The following PTPRS variants were observed in gnomAD, a reference collection of about 807,000 sequenced individuals.
The protein encoded by PTPRS is protein tyrosine phosphatase receptor type S, also known as receptor-type tyrosine-protein phosphatase S.
In PTPRS, 63 loss-of-function variants were observed where a neutral mutation model predicts 215.3. That is an observed-to-expected ratio of 0.29 (90% CI 0.24 to 0.36). PTPRS has a LOEUF of 0.36. PTPRS is among the 10% of genes least tolerant of loss of function. The pLI is 1.00. For synonymous variants in PTPRS, 1,404 were observed against 1,191.4 expected (o/e 1.18, Z -3.68); for missense variants, 2,258 against 2,825.8 (o/e 0.80, Z 4.56).
intron 13 of PTPRS, among the ~76,000 whole-genome samples, chr19:5,235,300 G>A (rs984804780): frequency 6.6e-6 from 1 of 151,674 alleles, no homozygotes; most frequent in African/African-American, 2.4e-5. Context: ...GGCTTTATTG[G>A]ATAACTGTAA....
chr19:5,321,724 G>C (rs1256085109), intron 1 of PTPRS, among the ~76,000 whole-genome samples: 1 of 152,070 alleles, frequency 6.6e-6, no homozygotes, highest in Non-Finnish European at 1.5e-5. Context: ...CTGAGGCTCA[G>C]AGAAAGAACC....
chr19:5,256,272 T>C (rs1488251286), intron 8 of PTPRS, among the ~76,000 whole-genome samples, 153 bp from the exon 9 acceptor site: 2 of 150,962 alleles, frequency 1.3e-5, no homozygotes, highest in Non-Finnish European at 3.0e-5. Flanking sequence ...AAAAAAAAAT[T>C]AAAATTAAAA....
Position 5,215,312 on chromosome 19 carries a change from C to A in PTPRS, c.4295G>T (p.Arg1432Leu). 6.2e-7 allele frequency: 1 copy of A among 1,614,080 alleles called. No individual in the cohort carries two copies. The highest frequency in any genetic ancestry group is 1.1e-5 in the South Asian group (1 of 91,078). The part of the protein sequence containing the change: ...YANVIAYDHS[R>L]VILQPIEGIM... Reference sequence around the variant, plus strand: ...ACCTTCAATGGGCTGGAGGATGACACGGGAGTGGTCATAGGCGATGACGTT... The same window carrying A: ...ACCTTCAATGGGCTGGAGGATGACAAGGGAGTGGTCATAGGCGATGACGTT... Residue 1432 changes from arginine to leucine, a missense_variant, in exon 28 of 38, where the codon CGT becomes CTT. Transcript: ENST00000262963.
At chr19:5,281,364 G>C (rs2047834187) in intron 2 of PTPRS, among the ~76,000 whole-genome samples, 1 of 152,138 alleles carries the variant, frequency 6.6e-6, no homozygotes, top group African/African-American at 2.4e-5. Flanking sequence ...GGGAGGCTGA[G>C]GCAGGAGAAT....
chr19:5,256,031 GT>G, intron 9 of PTPRS, 76 bp downstream of exon 9: 1 of 1,346,160 alleles, frequency 7.4e-7, no homozygotes, highest in Non-Finnish European at 1.0e-6. Flanking sequence ...GTCTACATGT[GT>G]TTTGTGTGTG....
intron 1 of PTPRS, among the ~76,000 whole-genome samples, chr19:5,319,407 C>A (rs2049965046): frequency 6.8e-6 from 1 of 147,320 alleles, no homozygotes; most frequent in East Asian, 2.0e-4. Context: ...CAGAGCCAGA[C>A]CTTGTCTTTT....
intron 2 of PTPRS, 24 bp from the exon 3 acceptor site, chr19:5,274,368 G>C (rs775723268): frequency 2.5e-6 from 4 of 1,596,416 alleles, no homozygotes; most frequent in Non-Finnish European, 3.4e-6. Context: ...GGAAAGAAGG[G>C]GGGGCGCTGA....
At chr19:5,333,961 T>G (rs2050410161) in intron 1 of PTPRS, among the ~76,000 whole-genome samples, 2 of 136,724 alleles carry the variant, frequency 1.5e-5, no homozygotes, top group Non-Finnish European at 3.1e-5. Context: ...AACCCCCAAA[T>G]CCCCCCCAAA....
rs528684925 is a variant in PTPRS at position 5,224,416 on chromosome 19, G to A, written c.2495-1119C>T. Among the ~76,000 whole-genome samples the A allele has an allele frequency of 3.3e-5, 5 of 152,226 alleles. No homozygotes were observed. The East Asian group carries it at 7.7e-4, about 24-fold the overall frequency. On this transcript the variant is annotated intron_variant, in intron 17 of 37. Coordinates refer to ENST00000262963, the MANE Select transcript of PTPRS (RefSeq NM_002850.4). ...CAACCATCTCCTGCCTTGTTGATTT[G>A]GCCCTTGCTCAATGCAGGCACCTGA...
chr19:5,333,083 A>T (rs1359387889), intron 1 of PTPRS, among the ~76,000 whole-genome samples: 1 of 152,094 alleles, frequency 6.6e-6, no homozygotes, highest in East Asian at 1.9e-4. Context: ...CGGGAGGCGG[A>T]GATTGCAGTG....
At position 5,231,623 on chromosome 19, in the gene PTPRS, AG is replaced by A. The variant is rs1359276218; in HGVS notation, c.1850-9del. 12 of 148,494 alleles carry A rather than the reference AG, an allele frequency of 8.1e-5. No individual in the cohort carries two copies. Among genetic ancestry groups the A allele is most frequent in the Non-Finnish European group, 1.1e-4 (11 of 101,012 alleles). The allele number at this position is 148,494 out of a possible 1,614,324, so 9.2% of individuals were successfully genotyped here. Reference sequence around the variant, plus strand: ...GAGGGGGGGCTGACGGTTCTATTGGAGGGGGGGAGAACGTGGGGGGGTGGGG... The same window carrying A: ...GAGGGGGGGCTGACGGTTCTATTGGAGGGGGGAGAACGTGGGGGGGTGGGG... On this transcript the variant is annotated splice_polypyrimidine_tract_variant and intron_variant, in intron 13 of 37. Coordinates refer to ENST00000262963, the MANE Select transcript of PTPRS (RefSeq NM_002850.4).
chr19:5,230,007 C>T (rs1284699623), intron 14 of PTPRS, among the ~76,000 whole-genome samples: 2 of 152,254 alleles, frequency 1.3e-5, no homozygotes, highest in East Asian at 3.9e-4. Context: ...ATAGGGTCTC[C>T]TGTCATTCTC....
At chr19:5,238,853 G>A (rs1253773340) in intron 13 of PTPRS, 66 bp downstream of exon 13, 37 of 1,487,662 alleles carry the variant, frequency 2.5e-5, no homozygotes, top group African/African-American at 5.8e-5. Flanking sequence ...TCCGTCTGCC[G>A]AGGGGCTGTC....
At chr19:5,299,429 C>A (rs2049236519) in intron 1 of PTPRS, among the ~76,000 whole-genome samples, 1 of 152,260 alleles carries the variant, frequency 6.6e-6, no homozygotes, top group Admixed American at 6.5e-5. Context: ...TCTTCTCACC[C>A]TTCCATTCTC....
chr19:5,223,256 C>T lies in PTPRS; in HGVS notation c.2536G>A (p.Gly846Ser). 1.4e-6 allele frequency: 2 copies of T among 1,477,098 alleles called. No homozygotes were observed. The highest frequency in any genetic ancestry group is 1.8e-6 in the Non-Finnish European group (2 of 1,117,258). 91.5% of individuals were successfully genotyped at this position (1,477,098 alleles called of 1,614,324 possible). A position where few individuals can be genotyped will look rare whatever the true frequency, so the allele number is the denominator to read the frequency against. ...GGCTCCCAGCGTGCCAGCAGGCTGC[C>T]CTCGGGGGTCTGCTGCACCGACAGG... ...PTLSVQQTPE[G>S]SLLARWEPPA... The change falls in exon 18 of 38, where the codon GGC becomes AGC. Residue 846 changes from glycine to serine, a missense_variant. By Grantham distance (56) the Gly-to-Ser change is moderately conservative (BLOSUM62 0). Coordinates refer to ENST00000262963, the MANE Select transcript of PTPRS (RefSeq NM_002850.4).
rs965242347 is a variant in PTPRS at position 5,257,893 on chromosome 19, C to T, written c.706+124G>A. 10 of 779,746 alleles carry T rather than the reference C, an allele frequency of 1.3e-5. No individual in the cohort carries two copies. Among genetic ancestry groups the T allele is most frequent in the Middle Eastern group, 7.7e-4 (2 of 2,606 alleles). The allele number at this position is 779,746 out of a possible 1,614,324, so 48.3% of individuals were successfully genotyped here. A position where few individuals can be genotyped will look rare whatever the true frequency, so the allele number is the denominator to read the frequency against. The stretch of plus-strand genomic sequence containing the variant: ...GCCTCGGCCAAGGTCCCACCGCGAC[C>T]GGGGAGGGGCCTTCCTGCTTGGGTG... On this transcript the variant is annotated intron_variant, in intron 8 of 37. Coordinates refer to ENST00000262963, the MANE Select transcript of PTPRS (RefSeq NM_002850.4). The surrounding 1 kb of genome is among the most constrained non-coding windows in gnomAD (Gnocchi z 4.4).
rs1217838563 is a variant in PTPRS at position 5,215,322 on chromosome 19, C to A, written c.4285G>T (p.Asp1429Tyr). The change falls in exon 28 of 38, where the codon GAC (aspartate) becomes TAC (tyrosine). Residue 1429 changes from aspartate (D) to tyrosine (Y), a missense_variant. Around this residue, in one of 6 missense-constraint regions of PTPRS, gnomAD observed 927 missense variants for 1,125.9 expected, o/e 0.82. Transcript: ENST00000262963. ...GGCTGGAGGATGACACGGGAGTGGT[C>A]ATAGGCGATGACGTTGGCATAGCGG... ...KNRYANVIAY[D>Y]HSRVILQPIE... is the part of the protein sequence containing the mutation. 1 of 1,614,122 alleles carries A rather than the reference C, an allele frequency of 6.2e-7. No individual in the cohort carries two copies. The highest frequency in any genetic ancestry group is 1.3e-5 in the African/African-American group (1 of 75,060).
chr19:5,332,528 G>A (rs1320909397), intron 1 of PTPRS, among the ~76,000 whole-genome samples: 1 of 152,222 alleles, frequency 6.6e-6, no homozygotes, highest in Non-Finnish European at 1.5e-5. Flanking sequence ...GGAGGTTGAA[G>A]AAGCCTTTTT....
chr19:5,286,419 G>A, intron 1 of PTPRS, 185 bp from the exon 2 acceptor site: 1 of 460,868 alleles, frequency 2.2e-6, no homozygotes, highest in East Asian at 3.7e-5. Context: ...ATAGAATTAA[G>A]GTGTCTCCCC....
Sources: allele counts gnomAD v4.1 joint callset (sites outside exome capture counted in the v4.1 genomes callset), GRCh38; gene constraint gnomAD v4.1.1; regional missense constraint gnomAD v4.1.1; non-coding constraint Gnocchi (gnomAD v3.1); transcripts MANE v1.5; gene names NCBI Gene and HGNC (gene_info 2026-07-23, HGNC 2026-07-21).